PDE10A: variants seen among roughly 807,000 people sequenced by gnomAD.
PDE10A encodes phosphodiesterase 10A.
A neutral mutation model predicts 97.7 loss-of-function variants in PDE10A; 39 were observed. The ratio of observed to expected loss-of-function variants is 0.40; its 90% CI spans 0.31 to 0.52. The LOEUF (loss-of-function observed/expected upper bound fraction) is 0.52. Among genes scored for constraint, PDE10A ranks in the 20% least tolerant of loss-of-function variants. The probability of loss-of-function intolerance (pLI) is 0.56; values close to 1 mark genes in which losing one functional copy is unlikely to be tolerated. For synonymous variants in PDE10A, 371 were observed against 376.8 expected (o/e 0.98, Z 0.18); for missense variants, 731 against 1,047.8 (o/e 0.70, Z 4.17).
intron 1 of PDE10A, among the ~76,000 whole-genome samples, chr6:165,863,227 G>A (rs1408148939): frequency 1.3e-5 from 2 of 152,106 alleles, no homozygotes; most frequent in Non-Finnish European, 2.9e-5. Flanking sequence ...GTTGTCTTCT[G>A]GCTTTTATGC....
chr6:165,576,166 T>G (rs995343264), intron 1 of PDE10A, among the ~76,000 whole-genome samples: 2 of 152,188 alleles, frequency 1.3e-5, no homozygotes, highest in African/African-American at 4.8e-5. Context: ...CCATTAAAAC[T>G]AACCCATCCA....
intron 1 of PDE10A, among the ~76,000 whole-genome samples, chr6:165,646,628 C>T (rs1416117411): frequency 6.6e-6 from 1 of 152,192 alleles, no homozygotes; most frequent in Non-Finnish European, 1.5e-5. Context: ...CTGAGATGGA[C>T]AGCAGAACTC....
intron 1 of PDE10A, among the ~76,000 whole-genome samples, chr6:165,656,867 CTCT>C (rs2128428662): frequency 6.6e-6 from 1 of 152,330 alleles, no homozygotes; most frequent in East Asian, 1.9e-4. Flanking sequence ...TCTTGTCCAT[CTCT>C]TCTGTGATCT....
intron 1 of PDE10A, among the ~76,000 whole-genome samples, chr6:165,876,950 C>T (rs1781360365): frequency 6.6e-6 from 1 of 152,212 alleles, no homozygotes; most frequent in Non-Finnish European, 1.5e-5. Flanking sequence ...TAAGTAGTCA[C>T]ACTGAAAGTC....
At chr6:165,622,747 C>T (rs4709955) in intron 1 of PDE10A, among the ~76,000 whole-genome samples, 122,544 of 152,132 alleles carry the variant, frequency 0.81, 50,836 homozygotes, top group East Asian at 0.93. Flanking sequence ...AAGAAACTTC[C>T]TTTATAATCA....
chr6:165,562,142 A>T lies in PDE10A; in HGVS notation c.866-18574T>A, dbSNP rs189301289. 3.5e-3 allele frequency among the ~76,000 whole-genome samples: 531 copies of T among 152,270 alleles called. 1 individual carries two copies. Among genetic ancestry groups the T allele is most frequent in the Non-Finnish European group, 6.1e-3 (415 of 68,022 alleles). ...AGCAGAACTAAATGACTAGACCAGC[A>T]TGACCATCATTAGTTTACTAGATAT... On this transcript the variant is annotated intron_variant, in intron 1 of 21. Coordinates refer to ENST00000539869, the MANE Select transcript of PDE10A (RefSeq NM_001385079.1).
intron 1 of PDE10A, among the ~76,000 whole-genome samples, chr6:165,706,139 T>A (rs190181895): frequency 6.6e-6 from 1 of 152,104 alleles, no homozygotes; most frequent in East Asian, 1.9e-4. Flanking sequence ...ATTCCAGGAG[T>A]GCTTGGCTTT....
chr6:165,698,581 A>G (rs1023586316), intron 1 of PDE10A, among the ~76,000 whole-genome samples: 4 of 152,216 alleles, frequency 2.6e-5, no homozygotes, highest in South Asian at 4.1e-4. Context: ...CAGATGTGGT[A>G]GATCATGCCT....
chr6:165,659,109 A>G (rs1373066052), intron 1 of PDE10A, among the ~76,000 whole-genome samples: 1 of 152,224 alleles, frequency 6.6e-6, no homozygotes, highest in African/African-American at 2.4e-5. Flanking sequence ...GTGAAGAGCC[A>G]AAACGCAGAG....
At chr6:165,394,332 C>T (rs1785964720) in intron 15 of PDE10A, among the ~76,000 whole-genome samples, 1 of 152,104 alleles carries the variant, frequency 6.6e-6, no homozygotes, top group Non-Finnish European at 1.5e-5. Context: ...GTTTTCTCTT[C>T]TTGTGTTAAT....
At chr6:165,894,143 G>T (rs1165157113) in intron 1 of PDE10A, 1 of 363,188 alleles carries the variant, frequency 2.8e-6, no homozygotes, top group Non-Finnish European at 5.5e-6. Context: ...GCTTGACTGG[G>T]TGTTTGTTCA....
chr6:165,381,773 G>A (rs776822110), intron 17 of PDE10A, among the ~76,000 whole-genome samples: 6 of 151,534 alleles, frequency 4.0e-5, no homozygotes, highest in Non-Finnish European at 7.4e-5. Flanking sequence ...GAGCCACCGC[G>A]CCCGGCCACG....
chr6:165,719,298 G>C (rs553173496), intron 1 of PDE10A, among the ~76,000 whole-genome samples: 1 of 152,210 alleles, frequency 6.6e-6, no homozygotes, highest in African/African-American at 2.4e-5. Flanking sequence ...CCCAAGGAAC[G>C]TTCCTGTGAA....
intron 1 of PDE10A, among the ~76,000 whole-genome samples, chr6:165,814,353 C>G (rs746204316): frequency 2.0e-5 from 3 of 152,082 alleles, no homozygotes; most frequent in Admixed American, 6.5e-5. Context: ...CGATCCCAGC[C>G]CCTTGCTCCA....
At chr6:165,338,479 C>T (rs1196993387) in intron 20 of PDE10A, among the ~76,000 whole-genome samples, 1 of 152,158 alleles carries the variant, frequency 6.6e-6, no homozygotes, top group Admixed American at 6.5e-5. Context: ...TAGCGAGGCA[C>T]AAGACCTCTC....
At chr6:165,760,808 C>A (rs528688351) in intron 1 of PDE10A, among the ~76,000 whole-genome samples, 27 of 152,282 alleles carry the variant, frequency 1.8e-4, no homozygotes, top group African/African-American at 6.3e-4. Flanking sequence ...GGCCCCACAG[C>A]TGATGGTGTC....
intron 1 of PDE10A, among the ~76,000 whole-genome samples, chr6:165,605,325 C>T (rs12210339): frequency 0.12 from 18,566 of 152,186 alleles, 1,170 homozygotes; most frequent in Non-Finnish European, 0.14. Context: ...CCACTCGTTC[C>T]GAATGGCCTG....
chr6:165,635,829 T>TA (rs1293227488), intron 1 of PDE10A, among the ~76,000 whole-genome samples: 2 of 152,122 alleles, frequency 1.3e-5, no homozygotes. Flanking sequence ...AAATTATTAA[T>TA]AAAAAATAGA....
chr6:165,409,183 GA>G (rs1292196844), intron 13 of PDE10A, among the ~76,000 whole-genome samples: 1 of 134,924 alleles, frequency 7.4e-6, no homozygotes, highest in Non-Finnish European at 1.6e-5. Context: ...AAAAAAAAAA[GA>G]AAAAAGGTAA....
Sources: allele counts gnomAD v4.1 joint callset (sites outside exome capture counted in the v4.1 genomes callset), GRCh38; gene constraint gnomAD v4.1.1; transcripts MANE v1.5; gene names NCBI Gene and HGNC (gene_info 2026-07-23, HGNC 2026-07-21).